Variants in GALK2 observed in about 807,000 individuals in gnomAD.
The protein encoded by GALK2 is N-acetylgalactosamine kinase.
Under a neutral mutation model 52.4 loss-of-function variants are expected in GALK2, and 36 were observed. That is an observed-to-expected ratio of 0.69 (90% CI 0.53 to 0.91). GALK2 has a LOEUF of 0.91. Ranked by LOEUF, GALK2 falls within the 40% of genes least tolerant of loss-of-function variation. The probability of loss-of-function intolerance (pLI) is 0.00; values close to 1 mark genes in which losing one functional copy is unlikely to be tolerated. For missense variants in GALK2, 579 were observed against 559.1 expected (o/e 1.04, Z -0.36); for synonymous variants, 176 against 199.1 (o/e 0.88, Z 0.98).
intron 3 of GALK2, chr15:49,344,312 G>A (rs2041155554): frequency 6.6e-6 from 1 of 151,952 alleles, no homozygotes; most frequent in Non-Finnish European, 1.5e-5. Flanking sequence ...TTGTTATAAT[G>A]GTATGGTTGC....
chr15:49,231,625 TG>T (rs1398232057), intron 3 of GALK2, among the ~76,000 whole-genome samples: 3 of 152,162 alleles, frequency 2.0e-5, no homozygotes, highest in African/African-American at 4.8e-5. Flanking sequence ...AAATAAAAAA[TG>T]GGTTAGTTAT....
chr15:49,299,798 GCTGTAGT>G (rs2034934958), intron 8 of GALK2, among the ~76,000 whole-genome samples: 1 of 81,490 alleles, frequency 1.2e-5, no homozygotes, highest in Admixed American at 1.4e-4. Context: ...TTTCTTTCGT[GCTGTAGT>G]CTGAGAGCGT....
chr15:49,270,052 T>C (rs2141683696), intron 5 of GALK2, among the ~76,000 whole-genome samples: 1 of 152,370 alleles, frequency 6.6e-6, no homozygotes, highest in Non-Finnish European at 1.5e-5. Context: ...TACTCTTGTT[T>C]ATCATCGCTC....
chr15:49,255,053 A>G (rs939218608), intron 5 of GALK2, among the ~76,000 whole-genome samples: 3 of 143,650 alleles, frequency 2.1e-5, no homozygotes, highest in African/African-American at 5.0e-5. Context: ...GAGTACATCA[A>G]TATTCATCCC....
intron 3 of GALK2, among the ~76,000 whole-genome samples, chr15:49,228,659 T>A (rs1165645083): frequency 1.5e-5 from 1 of 65,350 alleles, no homozygotes; most frequent in African/African-American, 7.8e-5. Context: ...TGTCTTTCAC[T>A]GATATATATA....
chr15:49,264,209 A>G (rs975806946), intron 5 of GALK2, among the ~76,000 whole-genome samples: 15 of 151,864 alleles, frequency 9.9e-5, no homozygotes, highest in South Asian at 8.4e-4. Context: ...AGGTACACCA[A>G]TCAGACGTAG....
chr15:49,328,374 G>T lies in GALK2; in HGVS notation c.*215G>T. 1 of 1,430,736 alleles carries T rather than the reference G, an allele frequency of 7.0e-7. No homozygotes were observed. Among genetic ancestry groups the T allele is most frequent in the Non-Finnish European group, 9.1e-7 (1 of 1,096,314 alleles). The allele number at this position is 1,430,736 out of a possible 1,614,324, so 88.6% of individuals were successfully genotyped here. The stretch of plus-strand genomic sequence containing the variant: ...ATATGGTTTTACTATTAAGAGCCAA[G>T]ATCATGCTTGGACAGATCTTTTAAG... On this transcript the variant is annotated 3_prime_UTR_variant, in exon 10 of 10. Coordinates refer to ENST00000560031, the MANE Select transcript of GALK2 (RefSeq NM_002044.4).
intron 2 of GALK2, among the ~76,000 whole-genome samples, chr15:49,212,227 G>A (rs1279932439): frequency 1.3e-5 from 2 of 152,084 alleles, no homozygotes; most frequent in Admixed American, 1.3e-4. Context: ...CGAGTAGCTG[G>A]GATTACAGGT....
intron 5 of GALK2, among the ~76,000 whole-genome samples, chr15:49,244,356 A>G (rs1166292626): frequency 1.3e-5 from 2 of 152,150 alleles, no homozygotes; most frequent in African/African-American, 2.4e-5. Flanking sequence ...AAAGAATATC[A>G]TCTGGAAATT....
intron 3 of GALK2, among the ~76,000 whole-genome samples, chr15:49,364,915 CT>C (rs1460743421): frequency 6.6e-6 from 1 of 151,874 alleles, no homozygotes; most frequent in Admixed American, 6.6e-5. Context: ...AGACCATATC[CT>C]TTTATTTAAT....
chr15:49,196,384 T>C (rs1428178871), intron 1 of GALK2, among the ~76,000 whole-genome samples: 3 of 152,128 alleles, frequency 2.0e-5, no homozygotes, highest in Admixed American at 6.6e-5. Context: ...CACCCAAGAG[T>C]TGTTTAAAAG....
chr15:49,278,835 AT>A (rs2032281899), intron 5 of GALK2, among the ~76,000 whole-genome samples: 1 of 152,246 alleles, frequency 6.6e-6, no homozygotes, highest in African/African-American at 2.4e-5. Context: ...ATACTGGGTA[AT>A]TTTTAAAGGA....
At chr15:49,191,878 C>G (rs905241966) in intron 1 of GALK2, among the ~76,000 whole-genome samples, 1 of 151,202 alleles carries the variant, frequency 6.6e-6, no homozygotes, top group Admixed American at 6.6e-5. Context: ...TTTTTCCATA[C>G]TTTTAATTTA....
intron 3 of GALK2, among the ~76,000 whole-genome samples, chr15:49,340,660 T>C (rs1256823735): frequency 6.6e-6 from 1 of 152,190 alleles, no homozygotes; most frequent in Non-Finnish European, 1.5e-5. Context: ...ATTCTGGATA[T>C]AAGAACTTTG....
intron 1 of GALK2, among the ~76,000 whole-genome samples, chr15:49,164,780 CAAAAAAAAAA>C (rs36107125): frequency 1.5e-5 from 1 of 65,182 alleles, no homozygotes; most frequent in Non-Finnish European, 2.9e-5. Context: ...AACTCCGTCT[CAAAAAAAAAA>C]AAAAAAAAAA....
At chr15:49,355,793 T>C (rs2043054696) in intron 3 of GALK2, among the ~76,000 whole-genome samples, 2 of 151,890 alleles carry the variant, frequency 1.3e-5, no homozygotes, top group African/African-American at 4.8e-5. Flanking sequence ...AATTGTCAGA[T>C]TCACCAAAGT....
chr15:49,355,371 T>A lies in GALK2; in HGVS notation c.427-12120T>A, dbSNP rs377683520. The stretch of plus-strand genomic sequence containing the variant: ...AATTTAGCAGTATGTATAACTAGAA[T>A]AACCAATACAGAGAACTGCCTAAAG... On this transcript the variant is annotated intron_variant, in intron 3 of 3. Transcript: ENST00000558399. Among the ~76,000 whole-genome samples, 41 of 152,246 alleles carry A rather than the reference T, an allele frequency of 2.7e-4. 1 individual carries two copies. In the South Asian group the frequency reaches 4.8e-3, roughly 18 times the overall value.
chr15:49,174,502 C>T (rs377402677), intron 1 of GALK2, among the ~76,000 whole-genome samples: 14 of 152,090 alleles, frequency 9.2e-5, no homozygotes, highest in South Asian at 8.3e-4. Context: ...CTCACCACCA[C>T]GCCAGGCTAA....
intron 5 of GALK2, among the ~76,000 whole-genome samples, chr15:49,271,850 T>A (rs1384351862): frequency 6.6e-6 from 1 of 152,170 alleles, no homozygotes; most frequent in East Asian, 1.9e-4. Flanking sequence ...TATTTGGGAA[T>A]TGTGTTTGGA....
Sources: allele counts gnomAD v4.1 joint callset (sites outside exome capture counted in the v4.1 genomes callset), GRCh38; gene constraint gnomAD v4.1.1; transcripts MANE v1.5; gene names NCBI Gene and HGNC (gene_info 2026-07-23, HGNC 2026-07-21).